Variants in TINAG observed in about 807,000 individuals in gnomAD.
The protein encoded by TINAG is tubulointerstitial nephritis antigen.
TINAG carries 83 observed loss-of-function variants against 72.7 expected under a neutral mutation model. The ratio of observed to expected loss-of-function variants is 1.14; its 90% CI spans 0.96 to 1.37. The LOEUF is 1.37. Among genes scored for constraint, TINAG ranks in the 40% most tolerant of loss-of-function variants. The pLI is 0.00. For missense variants in TINAG, 685 were observed against 576.6 expected (o/e 1.19, Z -1.93); for synonymous variants, 234 against 189.9 (o/e 1.23, Z -1.91).
chr6:54,308,142 C>T, upstream of TINAG: 2 of 1,545,866 alleles, frequency 1.3e-6, no homozygotes, highest in South Asian at 1.2e-5. Context: ...ATTTCCTGCA[C>T]CTTGCCAGTG....
upstream of TINAG, chr6:54,308,327 G>A (rs1044245785): frequency 1.1e-5 from 7 of 636,232 alleles, no homozygotes; most frequent in African/African-American, 5.5e-5. Context: ...TTTAACTTTG[G>A]GGGAATAACA....
chr6:54,310,711 T>G (rs1784227825), intron 1 of TINAG, among the ~76,000 whole-genome samples: 1 of 126,854 alleles, frequency 7.9e-6, no homozygotes, highest in South Asian at 2.4e-4. Context: ...TCTCTCTTTC[T>G]CTCCCTCTTT....
At chr6:54,364,967 G>A (rs374340259) in intron 9 of TINAG, among the ~76,000 whole-genome samples, 1 of 151,426 alleles carries the variant, frequency 6.6e-6, no homozygotes. Flanking sequence ...ACATAGTTTT[G>A]TTGGGGCCAC....
chr6:54,323,689 T>C (rs1488847963), intron 3 of TINAG, among the ~76,000 whole-genome samples: 1 of 152,202 alleles, frequency 6.6e-6, no homozygotes. Context: ...CGAAGTGGCT[T>C]ATGCCTGTAA....
chr6:54,343,325 G>T lies in TINAG; in HGVS notation c.724G>T (p.Ala242Ser). The T allele has an allele frequency of 1.7e-5, 27 of 1,553,024 alleles. No individual in the cohort carries two copies. The highest frequency in any genetic ancestry group is 2.3e-5 in the Non-Finnish European group (26 of 1,147,328). ...HGPLDQKNCA[A>S]SWAFSTASVA... ...CCCATTGGATCAAAAAAATTGTGCTGCATCCTGGGCATTTTCCACTGCAAG... is the reference window on the plus strand; with the variant it reads ...CCCATTGGATCAAAAAAATTGTGCTTCATCCTGGGCATTTTCCACTGCAAG... Residue 242 changes from alanine to serine, a missense_variant, in exon 5 of 11, where the codon GCA (alanine) becomes TCA (serine). Coordinates refer to ENST00000259782, the MANE Select transcript of TINAG (RefSeq NM_014464.4).
In TINAG at chr6:54,386,264, T is replaced by C. The variant is rs562549991; in HGVS notation, c.1297-3527T>C. 2.0e-3 allele frequency among the ~76,000 whole-genome samples: 302 copies of C among 152,306 alleles called. 2 individuals are homozygous for C. Among genetic ancestry groups the C allele is most frequent in the African/African-American group, 6.9e-3 (285 of 41,572 alleles). On this transcript the variant is annotated intron_variant, in intron 10 of 10. Transcript: ENST00000259782. Reference sequence around the variant, plus strand: ...ACTGTTCTACTGTTGTGTAACAAACTATCACAGATTTAGCAGATTGAAACA... The same window carrying C: ...ACTGTTCTACTGTTGTGTAACAAACCATCACAGATTTAGCAGATTGAAACA...
chr6:54,372,610 A>G (rs1252431202), intron 9 of TINAG, among the ~76,000 whole-genome samples: 2 of 151,798 alleles, frequency 1.3e-5, no homozygotes, highest in Non-Finnish European at 2.9e-5. Flanking sequence ...CATGAAAAAG[A>G]GAGCACTTGC....
chr6:54,331,864 T>G (rs2150945742), intron 4 of TINAG, among the ~76,000 whole-genome samples: 1 of 152,290 alleles, frequency 6.6e-6, no homozygotes, highest in African/African-American at 2.4e-5. Flanking sequence ...CACAATTTGC[T>G]ACAAAGAGAA....
At chr6:54,387,217 A>G (rs552790573) in intron 10 of TINAG, among the ~76,000 whole-genome samples, 59 of 152,318 alleles carry the variant, frequency 3.9e-4, no homozygotes, top group Non-Finnish European at 3.5e-4. Context: ...ATATCACTTC[A>G]TATACACTAG....
chr6:54,374,429 C>T (rs1763721391), intron 9 of TINAG, among the ~76,000 whole-genome samples: 1 of 152,080 alleles, frequency 6.6e-6, no homozygotes, highest in Non-Finnish European at 1.5e-5. Context: ...GCCCACATTT[C>T]ATGTTGCTTT....
chr6:54,355,451 G>C (rs1186214477), intron 9 of TINAG, among the ~76,000 whole-genome samples: 2 of 151,782 alleles, frequency 1.3e-5, no homozygotes, highest in Non-Finnish European at 2.9e-5. Context: ...TCTCCTTACT[G>C]ATCTTTGAAA....
At chr6:54,359,690 T>G (rs2150966200) in intron 9 of TINAG, among the ~76,000 whole-genome samples, 1 of 151,980 alleles carries the variant, frequency 6.6e-6, no homozygotes, top group Admixed American at 6.6e-5. Flanking sequence ...AGGCCAATTC[T>G]GCTAGTAGGC....
intron 4 of TINAG, among the ~76,000 whole-genome samples, chr6:54,342,897 A>G (rs1046868377): frequency 6.6e-6 from 1 of 152,214 alleles, no homozygotes; most frequent in Non-Finnish European, 1.5e-5. Context: ...ACAAATTTGA[A>G]TAACACCATG....
rs1326391305 is a variant in TINAG at position 54,326,870 on chromosome 6, G to A, written c.578G>A (p.Gly193Asp). Residue 193 changes from glycine to aspartate, a missense_variant, in exon 4 of 11, where the codon GGC becomes GAC. Transcript: ENST00000259782. ...TLEDGFKFRL[G>D]TLPPSPMLLS... Reference sequence around the variant, plus strand: ...GAAGATGGTTTTAAATTTCGCCTTGGCACTTTGCCACCTAGTCCCATGCTC... The same window carrying A: ...GAAGATGGTTTTAAATTTCGCCTTGACACTTTGCCACCTAGTCCCATGCTC... The A allele has an allele frequency of 2.5e-6, 4 of 1,612,976 alleles. No homozygotes were observed. Among genetic ancestry groups the A allele is most frequent in the Non-Finnish European group, 3.4e-6 (4 of 1,179,782 alleles).
At chr6:54,328,402 A>G (rs571991280) in intron 4 of TINAG, among the ~76,000 whole-genome samples, 1 of 152,250 alleles carries the variant, frequency 6.6e-6, no homozygotes, top group African/African-American at 2.4e-5. Context: ...AGGAAAACTA[A>G]CAAACAGAAA....
intron 4 of TINAG, among the ~76,000 whole-genome samples, chr6:54,338,719 CAAAAAAAA>C (rs57231980): frequency 1.8e-5 from 1 of 56,980 alleles, no homozygotes; most frequent in Non-Finnish European, 3.4e-5. Context: ...GACTCTGTCT[CAAAAAAAA>C]AAAAAAAAAA....
chr6:54,357,396 C>T (rs1763086199), intron 9 of TINAG, among the ~76,000 whole-genome samples: 1 of 151,916 alleles, frequency 6.6e-6, no homozygotes, highest in African/African-American at 2.4e-5. Context: ...GCTCAGACCT[C>T]TTTCCTGAAC....
At chr6:54,368,107 TTGAGTA>T (rs1241024786) in intron 9 of TINAG, among the ~76,000 whole-genome samples, 10 of 150,754 alleles carry the variant, frequency 6.6e-5, no homozygotes, top group Non-Finnish European at 1.5e-4. Flanking sequence ...CTTTAGAATA[TTGAGTA>T]AACCCCATTA....
Position 54,349,616 on chromosome 6 carries a change from G to A in TINAG, c.900-100G>A, listed in dbSNP as rs375468411. ...TGAAAATTATGCATGTAAGTAACCA[G>A]AATAATTTATGAATGTTTAATTCAG... is the stretch of plus-strand genomic sequence containing the variant. On this transcript the variant is annotated intron_variant, in intron 6 of 10. Coordinates refer to ENST00000259782, the MANE Select transcript of TINAG (RefSeq NM_014464.4). 20 of 1,141,386 alleles carry A rather than the reference G, an allele frequency of 1.8e-5. No homozygotes were observed. In the African/African-American group the frequency reaches 2.1e-4, roughly 12 times the overall value. 70.7% of individuals were successfully genotyped at this position (1,141,386 alleles called of 1,614,324 possible).
Sources: allele counts gnomAD v4.1 joint callset (sites outside exome capture counted in the v4.1 genomes callset), GRCh38; gene constraint gnomAD v4.1.1; transcripts MANE v1.5; gene names NCBI Gene and HGNC (gene_info 2026-07-23, HGNC 2026-07-21).